The following ZNF208 variants were observed in gnomAD, a reference collection of about 807,000 sequenced individuals.
ZNF208 encodes zinc finger protein 208, also known as zinc finger protein 95.
ZNF208 carries 10 observed loss-of-function variants against 12.1 expected under a neutral mutation model. The ratio of observed to expected loss-of-function variants is 0.83; its 90% confidence interval spans 0.51 to 1.40. ZNF208 has a LOEUF of 1.40. Ranked by LOEUF, ZNF208 falls within the 40% of genes most tolerant of loss-of-function variation. The pLI is 0.00. For missense variants in ZNF208, 1,652 were observed against 1,485.0 expected (o/e 1.11, Z -1.85); for synonymous variants, 497 against 488.4 (o/e 1.02, Z -0.23).
downstream of ZNF208, among the ~76,000 whole-genome samples, chr19:21,963,995 A>G (rs1308738670): frequency 6.6e-6 from 1 of 151,964 alleles, no homozygotes. Context: ...TAAATTTCAA[A>G]TGTACCACCA....
intron 2 of ZNF208, among the ~76,000 whole-genome samples, chr19:21,988,036 A>G (rs901343612): frequency 1.3e-5 from 2 of 152,098 alleles, no homozygotes; most frequent in African/African-American, 4.8e-5. Flanking sequence ...AGAAATTTCT[A>G]AATATTTAGA....
intron 4 of ZNF208, among the ~76,000 whole-genome samples, chr19:21,957,361 T>C (rs1209508403): frequency 6.6e-6 from 1 of 152,176 alleles, no homozygotes; most frequent in African/African-American, 2.4e-5. Flanking sequence ...TCTTATGCAA[T>C]GAAATACAAC....
At chr19:21,943,369 G>A (rs564281181) in intron 4 of ZNF208, among the ~76,000 whole-genome samples, 44 of 152,292 alleles carry the variant, frequency 2.9e-4, no homozygotes, top group Middle Eastern at 3.4e-3. Context: ...CTAAGATCCA[G>A]CAGTGCATAC....
At chr19:21,964,839 T>G (rs1238541712), downstream of ZNF208, among the ~76,000 whole-genome samples, 24 of 152,066 alleles carry the variant, frequency 1.6e-4, 1 homozygote, top group South Asian at 4.8e-3. Flanking sequence ...AGATTGGAAT[T>G]ACTGATCACT....
rs116250306 is a variant in ZNF208, at chr19:22,010,875, C to A, written c.-81G>T. The A allele has an allele frequency of 2.7e-4, 438 of 1,598,400 alleles. 3 individuals carry two copies. In the African/African-American group the frequency reaches 5.3e-3, roughly 19 times the overall value. ...GGTCATAGGGCCACAGAGGCTGGGA[C>A]TCTAGGAGCAGAGGACACACAGCAG... On this transcript the variant is annotated 5_prime_UTR_variant, in exon 1 of 4. Transcript: ENST00000397126.
At chr19:21,958,395 T>C (rs1970011713) in intron 4 of ZNF208, among the ~76,000 whole-genome samples, 3 of 152,180 alleles carry the variant, frequency 2.0e-5, no homozygotes, top group Non-Finnish European at 4.4e-5. Flanking sequence ...TAAGCAATTA[T>C]TCTGCAAATC....
chr19:21,992,802 T>C (rs1970764545), intron 1 of ZNF208, among the ~76,000 whole-genome samples: 1 of 152,224 alleles, frequency 6.6e-6, no homozygotes, highest in South Asian at 2.1e-4. Context: ...CAGAATTTTT[T>C]CAAATAGTTA....
intron 1 of ZNF208, among the ~76,000 whole-genome samples, chr19:22,010,114 G>A (rs1002049836): frequency 6.6e-6 from 1 of 152,102 alleles, no homozygotes; most frequent in Non-Finnish European, 1.5e-5. Flanking sequence ...CAACCCGGGA[G>A]GCGGAGCTTG....
chr19:21,958,877 A>G (rs1473379974), intron 4 of ZNF208, among the ~76,000 whole-genome samples: 1 of 152,100 alleles, frequency 6.6e-6, no homozygotes, highest in South Asian at 2.1e-4. Flanking sequence ...CAGCAAGGGA[A>G]GGGTCCCCAG....
intron 4 of ZNF208, among the ~76,000 whole-genome samples, chr19:21,947,772 G>T (rs1969835440): frequency 6.6e-6 from 1 of 152,134 alleles, no homozygotes; most frequent in South Asian, 2.1e-4. Flanking sequence ...TTTTCCTGGG[G>T]CCATAGCAGG....
At chr19:21,953,992 A>C (rs1176281369) in intron 4 of ZNF208, among the ~76,000 whole-genome samples, 1 of 152,120 alleles carries the variant, frequency 6.6e-6, no homozygotes, top group Non-Finnish European at 1.5e-5. Flanking sequence ...ATTTCCCTCT[A>C]CACACTGCTT....
At chr19:21,978,962 G>A (rs539475293) in intron 3 of ZNF208, among the ~76,000 whole-genome samples, 10 of 152,036 alleles carry the variant, frequency 6.6e-5, no homozygotes, top group Non-Finnish European at 1.0e-4. Context: ...TCGATAAAGC[G>A]GAAGAAAGGA....
At chr19:21,979,838 C>T (rs532353681) in intron 3 of ZNF208, among the ~76,000 whole-genome samples, 12 of 152,094 alleles carry the variant, frequency 7.9e-5, no homozygotes, top group East Asian at 1.9e-4. Flanking sequence ...ATCCATCTCA[C>T]GTGCAAAGAC....
chr19:21,963,275 T>C (rs889694631), downstream of ZNF208, among the ~76,000 whole-genome samples: 1 of 152,106 alleles, frequency 6.6e-6, no homozygotes, highest in Non-Finnish European at 1.5e-5. Context: ...ATCCAAGCTT[T>C]ATGGAATTTT....
chr19:21,970,985 G>A lies in ZNF208; in HGVS notation c.*206C>T, dbSNP rs768892965. 6.6e-6 allele frequency among the ~76,000 whole-genome samples: 1 copy of A among 151,862 alleles called. No homozygotes were observed. The highest frequency in any genetic ancestry group is 1.5e-5 in the Non-Finnish European group (1 of 67,970). On this transcript the variant is annotated 3_prime_UTR_variant, in exon 4 of 4. Coordinates refer to ENST00000397126, the MANE Select transcript of ZNF208 (RefSeq NM_007153.3). ...AATTACCTTATGTTTAGTAAGGATTGAGAACATACTAAAGCCTTTACCACA... is the reference window on the plus strand; with the variant it reads ...AATTACCTTATGTTTAGTAAGGATTAAGAACATACTAAAGCCTTTACCACA...
chr19:21,953,813 G>T (rs1305144007), intron 4 of ZNF208, among the ~76,000 whole-genome samples: 1 of 151,574 alleles, frequency 6.6e-6, no homozygotes, highest in Non-Finnish European at 1.5e-5. Flanking sequence ...TTTTTGAAGG[G>T]TTTTTTGTGT....
At chr19:21,959,263 C>T (rs551125176) in intron 4 of ZNF208, among the ~76,000 whole-genome samples, 1 of 152,282 alleles carries the variant, frequency 6.6e-6, no homozygotes, top group East Asian at 1.9e-4. Flanking sequence ...CAAAATCATT[C>T]TGGGTATGTT....
Position 21,972,595 on chromosome 19 carries a change from G to A in ZNF208, c.2439C>T (p.Thr813=). 6.2e-7 allele frequency: 1 copy of A among 1,612,570 alleles called. No individual in the cohort carries two copies. Among genetic ancestry groups the A allele is most frequent in the Non-Finnish European group, 8.5e-7 (1 of 1,179,674 alleles). The change falls in exon 4 of 4, where the codon ACC becomes ACT. Residue 813 remains threonine, a synonymous_variant. Transcript: ENST00000397126. Reference sequence around the variant, plus strand: ...TAGTAAGGGTTGAGACCTTACTAAAGGTTTTGCCACATTCTTCACATTTGT... The same window carrying A: ...TAGTAAGGGTTGAGACCTTACTAAAAGTTTTGCCACATTCTTCACATTTGT... ...KPYKCEECGK[T]FSKVSTLTTH... is the part of the protein sequence containing the mutation.
At chr19:22,006,516 T>C (rs1254700713) in intron 1 of ZNF208, among the ~76,000 whole-genome samples, 1 of 152,182 alleles carries the variant, frequency 6.6e-6, no homozygotes, top group Non-Finnish European at 1.5e-5. Flanking sequence ...AAACCTCTTC[T>C]ATCTTAACCT....
Sources: allele counts gnomAD v4.1 joint callset (sites outside exome capture counted in the v4.1 genomes callset), GRCh38; gene constraint gnomAD v4.1.1; transcripts MANE v1.5; gene names NCBI Gene and HGNC (gene_info 2026-07-23, HGNC 2026-07-21).